IRF2: variants seen among roughly 807,000 people sequenced by gnomAD.
IRF2 encodes the protein interferon regulatory factor 2.
A neutral mutation model predicts 40.6 loss-of-function variants in IRF2; 15 were observed. The observed-to-expected ratio is 0.37, with a 90% CI of 0.25 to 0.57. IRF2 has a LOEUF of 0.57. IRF2 is among the 20% of genes least tolerant of loss of function. The pLI, the probability that IRF2 is intolerant of heterozygous loss-of-function variation, is 0.77. For synonymous variants in IRF2, 151 were observed against 165.5 expected, an observed-to-expected ratio of 0.91 and a Z score of 0.67; for missense variants, 317 against 455.7, an observed-to-expected ratio of 0.70 and a Z score of 2.77.
intron 1 of IRF2, among the ~76,000 whole-genome samples, chr4:184,451,847 T>A (rs1738724688): frequency 6.6e-6 from 1 of 152,088 alleles, no homozygotes; most frequent in African/African-American, 2.4e-5. Context: ...GCTTGCTCAG[T>A]CTTTGTTCAG....
At chr4:184,392,741 G>A (rs1047379391) in intron 7 of IRF2, among the ~76,000 whole-genome samples, 3 of 152,174 alleles carry the variant, frequency 2.0e-5, no homozygotes, top group African/African-American at 2.4e-5. Flanking sequence ...CCTTAAACAA[G>A]GAAAGTAAGA....
At chr4:184,400,252 A>G (rs1293212113) in intron 6 of IRF2, among the ~76,000 whole-genome samples, 1 of 152,188 alleles carries the variant, frequency 6.6e-6, no homozygotes, top group African/African-American at 2.4e-5. Context: ...CTGGGCAACT[A>G]TTAATCTGTT....
chr4:184,409,529 A>G (rs1736994968), intron 5 of IRF2, among the ~76,000 whole-genome samples: 3 of 152,146 alleles, frequency 2.0e-5, no homozygotes, highest in African/African-American at 7.2e-5. Context: ...CATCCCTACC[A>G]GGCACGATTT....
intron 1 of IRF2, among the ~76,000 whole-genome samples, chr4:184,468,770 T>G (rs1739420508): frequency 6.6e-6 from 1 of 152,288 alleles, no homozygotes; most frequent in Non-Finnish European, 1.5e-5. Flanking sequence ...AGAGGCTCGC[T>G]ATCAAGGCAG....
chr4:184,462,975 G>A (rs147284393), intron 1 of IRF2, among the ~76,000 whole-genome samples: 79 of 152,328 alleles, frequency 5.2e-4, no homozygotes, highest in African/African-American at 1.3e-3. Flanking sequence ...CAAATAAATC[G>A]GACTGGATCC....
intron 1 of IRF2, among the ~76,000 whole-genome samples, chr4:184,440,155 C>T (rs1056326234): frequency 6.6e-6 from 1 of 152,170 alleles, no homozygotes; most frequent in Admixed American, 6.5e-5. Flanking sequence ...GTAGCCACTT[C>T]CCTGGCCCTC....
intron 1 of IRF2, among the ~76,000 whole-genome samples, chr4:184,446,746 G>T (rs1193760966): frequency 6.6e-6 from 1 of 152,028 alleles, no homozygotes; most frequent in Non-Finnish European, 1.5e-5. Context: ...GAGGTCAGGA[G>T]ATCGAGACCA....
At chr4:184,438,014 T>C (rs1738149229) in intron 1 of IRF2, among the ~76,000 whole-genome samples, 1 of 152,210 alleles carries the variant, frequency 6.6e-6, no homozygotes, top group Admixed American at 6.5e-5. Context: ...ATGAAAGTTA[T>C]GTAAATTGAA....
rs1440998067 is a variant in IRF2, at chr4:184,387,855, A to G, written c.*903T>C. On this transcript the variant is annotated 3_prime_UTR_variant, in exon 9 of 9. Coordinates refer to ENST00000393593, the MANE Select transcript of IRF2 (RefSeq NM_002199.4). ...AAATGTGCCACAAGGATGTAATAAC[A>G]ACTGCTGATAAACAAGAAAAGGAAT... is the stretch of plus-strand genomic sequence containing the variant. The G allele has an allele frequency of 1.3e-5, 2 of 152,616 alleles. No individual in the cohort carries two copies. The highest frequency in any genetic ancestry group is 4.8e-5 in the African/African-American group (2 of 41,464). 9.5% of individuals were successfully genotyped at this position (152,616 alleles called of 1,614,324 possible).
At chr4:184,442,705 G>A (rs1269907319) in intron 1 of IRF2, among the ~76,000 whole-genome samples, 1 of 151,646 alleles carries the variant, frequency 6.6e-6, no homozygotes, top group Non-Finnish European at 1.5e-5. Context: ...TTCGTTATGG[G>A]GCCGTTTTGC....
intron 7 of IRF2, among the ~76,000 whole-genome samples, chr4:184,394,279 G>C (rs1305190292): frequency 1.3e-5 from 2 of 152,142 alleles, no homozygotes; most frequent in Non-Finnish European, 2.9e-5. Flanking sequence ...GGGTGACACT[G>C]GTTGTAGGTT....
Position 184,388,045 on chromosome 4 carries a change from T to C in IRF2, c.*713A>G, listed in dbSNP as rs973412445. On this transcript the variant is annotated 3_prime_UTR_variant, in exon 9 of 9. Coordinates refer to ENST00000393593, the MANE Select transcript of IRF2 (RefSeq NM_002199.4). This position sits in a 1 kb window ranked among gnomAD's most constrained non-coding sequence, Gnocchi z 4.6. Reference sequence around the variant, plus strand: ...TCTGGGAATTTGCATAATATTTCCATGATACTTTTTCCTTTGTACCGCGTG... The same window carrying C: ...TCTGGGAATTTGCATAATATTTCCACGATACTTTTTCCTTTGTACCGCGTG... 4 of 152,690 alleles carry C rather than the reference T, an allele frequency of 2.6e-5. No homozygotes were observed. Among genetic ancestry groups the C allele is most frequent in the African/African-American group, 4.8e-5 (2 of 41,468 alleles). 9.5% of individuals were successfully genotyped at this position (152,690 alleles called of 1,614,324 possible). A position where few individuals can be genotyped will look rare whatever the true frequency, so the allele number is the denominator to read the frequency against.
In IRF2 at chr4:184,408,305, G is replaced by C; in HGVS notation, c.412-30C>G. On this transcript the variant is annotated intron_variant, in intron 5 of 8. Coordinates refer to ENST00000393593, the MANE Select transcript of IRF2 (RefSeq NM_002199.4). This position sits in a 1 kb window ranked among gnomAD's most constrained non-coding sequence, Gnocchi z 4.9. ...GAAGAAGAAAAGAAAAAAGAATTGA[G>C]AACACTTCCTTTCCCCTCCCTTCTC... 1.5e-6 allele frequency: 2 copies of C among 1,333,536 alleles called. No individual in the cohort carries two copies. Among genetic ancestry groups the C allele is most frequent in the Non-Finnish European group, 2.2e-6 (2 of 925,630 alleles). 82.6% of individuals were successfully genotyped at this position (1,333,536 alleles called of 1,614,324 possible).
chr4:184,416,173 A>G (rs577153914), intron 5 of IRF2, among the ~76,000 whole-genome samples: 2 of 152,200 alleles, frequency 1.3e-5, no homozygotes, highest in East Asian at 1.9e-4. Context: ...TAAATTATCC[A>G]TGCTTGGTGG....
At chr4:184,460,938 A>G (rs1579113881) in intron 1 of IRF2, among the ~76,000 whole-genome samples, 1 of 152,246 alleles carries the variant, frequency 6.6e-6, no homozygotes, top group Non-Finnish European at 1.5e-5. Context: ...TAAATAAGCA[A>G]CAGTAACTCT....
intron 1 of IRF2, among the ~76,000 whole-genome samples, chr4:184,470,923 T>C (rs1739493169): frequency 6.6e-6 from 1 of 152,216 alleles, no homozygotes. Flanking sequence ...ACCACCTAAC[T>C]TTCCTTCTGA....
rs537263456 is a variant in IRF2 at position 184,426,461 on chromosome 4, T to C, written c.87+2517A>G. 3.3e-5 allele frequency among the ~76,000 whole-genome samples: 5 copies of C among 152,302 alleles called. No individual in the cohort carries two copies. The South Asian group carries it at 1.0e-3, about 32-fold the overall frequency. The stretch of plus-strand genomic sequence containing the variant: ...GTGTGCCTTCTCCTCTTCTGTCTCT[T>C]ATAAAGACACTCCTCATTGGCATCA... On this transcript the variant is annotated intron_variant, in intron 2 of 8. Coordinates refer to ENST00000393593, the MANE Select transcript of IRF2 (RefSeq NM_002199.4).
At chr4:184,405,785 G>A (rs1290072778) in intron 6 of IRF2, among the ~76,000 whole-genome samples, 2 of 152,182 alleles carry the variant, frequency 1.3e-5, no homozygotes, top group Non-Finnish European at 2.9e-5. Flanking sequence ...CAGCCAGGGA[G>A]AGAGGGAAGG....
intron 1 of IRF2, among the ~76,000 whole-genome samples, chr4:184,453,845 G>A (rs113489028): frequency 2.6e-5 from 4 of 152,338 alleles, no homozygotes; most frequent in African/African-American, 9.6e-5. Flanking sequence ...CTCAAAAGGT[G>A]TGTTTTGCCC....
Sources: allele counts gnomAD v4.1 joint callset (sites outside exome capture counted in the v4.1 genomes callset), GRCh38; gene constraint gnomAD v4.1.1; non-coding constraint Gnocchi (gnomAD v3.1); transcripts MANE v1.5; gene names NCBI Gene and HGNC (gene_info 2026-07-23, HGNC 2026-07-21).